The following CHST8 variants were observed in gnomAD, a reference collection of about 807,000 sequenced individuals.
CHST8 encodes carbohydrate sulfotransferase 8, also known as GALNAC-4-ST1.
A neutral mutation model predicts 15.0 loss-of-function variants in CHST8; 10 were observed. That is an observed-to-expected ratio of 0.67 (90% CI 0.41 to 1.13). The LOEUF (loss-of-function observed/expected upper bound fraction) is 1.13, where lower values mean the gene tolerates loss of function less well. Ranked by LOEUF, CHST8 falls within the 50% of genes most tolerant of loss-of-function variation. The probability of loss-of-function intolerance (pLI) is 0.00; values close to 1 mark genes in which losing one functional copy is unlikely to be tolerated. For synonymous variants in CHST8, 259 were observed against 256.6 expected (o/e 1.01, Z -0.09); for missense variants, 634 against 608.2 (o/e 1.04, Z -0.45).
At chr19:33,683,202 C>T (rs1000467308) in intron 2 of CHST8, among the ~76,000 whole-genome samples, 1 of 152,186 alleles carries the variant, frequency 6.6e-6, no homozygotes, top group Admixed American at 6.5e-5. Flanking sequence ...CACATTTCAC[C>T]ATGAGATTTG....
intron 1 of CHST8, among the ~76,000 whole-genome samples, chr19:33,642,771 C>T (rs1424173068): frequency 2.0e-5 from 3 of 152,216 alleles, no homozygotes; most frequent in Non-Finnish European, 2.9e-5. Context: ...TACATTGTCC[C>T]AGAGAAGGGG....
At chr19:33,702,580 G>A (rs867598299) in intron 3 of CHST8, among the ~76,000 whole-genome samples, 11 of 152,238 alleles carry the variant, frequency 7.2e-5, no homozygotes, top group South Asian at 6.2e-4. Flanking sequence ...TTATGTGGGG[G>A]CCTGGGCAGG....
Position 33,772,179 on chromosome 19 carries a change from G to T in CHST8, c.391G>T (p.Asp131Tyr). ...GGCGACCATCCCGGCCAACAGCTCG[G>T]ACGCGCCCTTCATCCGGCCGGGACC... The part of the protein sequence containing the change: ...AAATIPANSS[D>Y]APFIRPGPGT... The change falls in exon 5 of 5, where the codon GAC becomes TAC. Residue 131 changes from aspartate (D) to tyrosine (Y), a missense_variant. Coordinates refer to ENST00000650847, the MANE Select transcript of CHST8 (RefSeq NM_001127895.2). 6.3e-7 allele frequency: 1 copy of T among 1,598,478 alleles called. No individual in the cohort carries two copies.
chr19:33,742,777 C>T (rs979330827), intron 3 of CHST8, among the ~76,000 whole-genome samples: 4 of 152,188 alleles, frequency 2.6e-5, no homozygotes, highest in East Asian at 3.8e-4. Flanking sequence ...TTGGTGACCA[C>T]CTCCATAGCT....
chr19:33,708,723 T>A (rs886943378), intron 3 of CHST8, among the ~76,000 whole-genome samples: 2 of 152,238 alleles, frequency 1.3e-5, no homozygotes, highest in African/African-American at 4.8e-5. Context: ...TGCATTTCCA[T>A]GTAAATTTTA....
At position 33,768,749 on chromosome 19, in the gene CHST8, G is replaced by T. The variant is rs561163176; in HGVS notation, c.131-2664G>T. 2.6e-5 allele frequency among the ~76,000 whole-genome samples: 4 copies of T among 152,242 alleles called. No homozygotes were observed. In the East Asian group the frequency reaches 7.7e-4, roughly 29 times the overall value. On this transcript the variant is annotated intron_variant, in intron 3 of 4. Transcript: ENST00000650847. ...ATGACAGGCATGAGCCACCGTGCCC[G>T]GCAGTAAATTTTTAAAAATGTTAAA...
rs763879034 is a variant in CHST8, at chr19:33,772,165, C to G, written c.377C>G (p.Pro126Arg). ...IKKMPAAATI[P>R]ANSSDAPFIR... ...AAAATGCCAGCTGCGGCGACCATCC[C>G]GGCCAACAGCTCGGACGCGCCCTTC... Residue 126 changes from proline (P) to arginine (R), a missense_variant, in exon 5 of 5, where the codon CCG (proline) becomes CGG (arginine). Pro to Arg is a moderately radical substitution (Grantham distance 103). Transcript: ENST00000650847. The G allele has an allele frequency of 7.9e-5, 126 of 1,600,954 alleles. No homozygotes were observed. In the Admixed American group the frequency reaches 2.1e-3, roughly 26 times the overall value.
At chr19:33,715,683 T>C (rs1476276169) in intron 3 of CHST8, among the ~76,000 whole-genome samples, 1 of 152,212 alleles carries the variant, frequency 6.6e-6, no homozygotes, top group Admixed American at 6.5e-5. Flanking sequence ...CTGGGCTAGC[T>C]GGCCTTGGGT....
chr19:33,653,076 A>C (rs1972469981), intron 1 of CHST8, among the ~76,000 whole-genome samples: 1 of 152,132 alleles, frequency 6.6e-6, no homozygotes, highest in Non-Finnish European at 1.5e-5. Context: ...GCTGTTTACC[A>C]GTTTCTTTTC....
At chr19:33,696,344 C>G (rs1973217598) in intron 3 of CHST8, among the ~76,000 whole-genome samples, 1 of 151,928 alleles carries the variant, frequency 6.6e-6, no homozygotes, top group Non-Finnish European at 1.5e-5. Flanking sequence ...TGCGTTAGGA[C>G]CCAGGCCGCA....
chr19:33,657,729 C>T (rs1462381485), intron 1 of CHST8, among the ~76,000 whole-genome samples: 1 of 152,012 alleles, frequency 6.6e-6, no homozygotes, highest in Admixed American at 6.6e-5. Context: ...CCACCATACT[C>T]AACTAATATT....
At chr19:33,769,007 C>A (rs1033315893) in intron 3 of CHST8, among the ~76,000 whole-genome samples, 10 of 152,208 alleles carry the variant, frequency 6.6e-5, no homozygotes, top group Admixed American at 2.6e-4. Flanking sequence ...CTAGAAGGAA[C>A]TTTTCCTCTA....
intron 1 of CHST8, among the ~76,000 whole-genome samples, chr19:33,623,239 C>G (rs1288945996): frequency 6.6e-6 from 1 of 152,202 alleles, no homozygotes; most frequent in Non-Finnish European, 1.5e-5. Context: ...CGCTGCTGCC[C>G]GGCTGTCTGT....
At chr19:33,757,402 GAAAGA>G in intron 3 of CHST8, among the ~76,000 whole-genome samples, 1 of 5,136 alleles carries the variant, frequency 1.9e-4, no homozygotes, top group South Asian at 7.1e-3. Context: ...AAGAAAGAAA[GAAAGA>G]AAGAAAGAAA....
At chr19:33,632,633 G>A (rs745662340) in intron 1 of CHST8, among the ~76,000 whole-genome samples, 7 of 152,124 alleles carry the variant, frequency 4.6e-5, no homozygotes, top group Non-Finnish European at 8.8e-5. Context: ...CAGCACTGGA[G>A]CAGGGATCAG....
chr19:33,695,821 C>CTTTCTTTCTTTCTTTCTTTCTTTCTT (rs57718433), intron 3 of CHST8, among the ~76,000 whole-genome samples: 59 of 76,234 alleles, frequency 7.7e-4, no homozygotes, highest in Admixed American at 1.7e-3. Context: ...TTCTTTCTTT[C>CTTTCTTTCTTTCTTTCTTTCTTTCTT]TTTTTTTTTT....
chr19:33,648,910 T>TTTA, intron 1 of CHST8, among the ~76,000 whole-genome samples: 1 of 142,518 alleles, frequency 7.0e-6, no homozygotes, highest in Admixed American at 7.0e-5. Flanking sequence ...CACTTTTTTT[T>TTTA]TTTTTTTTTT....
At chr19:33,635,952 G>C (rs1357392382) in intron 1 of CHST8, among the ~76,000 whole-genome samples, 1 of 152,120 alleles carries the variant, frequency 6.6e-6, no homozygotes, top group Non-Finnish European at 1.5e-5. Context: ...CATTGTTTAT[G>C]CGATGTGGAG....
At chr19:33,664,864 C>T (rs1972635062) in intron 1 of CHST8, among the ~76,000 whole-genome samples, 1 of 152,116 alleles carries the variant, frequency 6.6e-6, no homozygotes. Flanking sequence ...TCTTTCTATG[C>T]TTGGCTTATT....
Sources: gnomAD v4.1 joint callset for allele counts (sites outside exome capture counted in the v4.1 genomes callset) on GRCh38, gnomAD v4.1.1 for gene constraint, MANE v1.5 for transcripts, NCBI Gene and HGNC (gene_info 2026-07-23, HGNC 2026-07-21) for gene names.